The following SLC2A13 variants were observed in gnomAD, a reference collection of about 807,000 sequenced individuals.
The protein encoded by SLC2A13 is solute carrier family 2 member 13.
SLC2A13 carries 32 observed loss-of-function variants against 64.4 expected under a neutral mutation model. The observed-to-expected ratio is 0.50, with a 90% confidence interval of 0.37 to 0.67. The LOEUF (loss-of-function observed/expected upper bound fraction) is 0.67, where lower values mean the gene tolerates loss of function less well. Ranked by LOEUF, SLC2A13 falls within the 30% of genes least tolerant of loss-of-function variation. SLC2A13 has a pLI of 0.00. For synonymous variants in SLC2A13, 338 were observed against 327.1 expected, an observed-to-expected ratio of 1.03 and a Z score of -0.36; for missense variants, 743 against 829.2, an observed-to-expected ratio of 0.90 and a Z score of 1.28.
chr12:40,019,157 A>G (rs1947670442), intron 3 of SLC2A13, among the ~76,000 whole-genome samples: 1 of 152,202 alleles, frequency 6.6e-6, no homozygotes. Flanking sequence ...AGGCAATGGC[A>G]GCAAGAACCG....
intron 1 of SLC2A13, among the ~76,000 whole-genome samples, chr12:40,055,911 A>G (rs1288280196): frequency 6.6e-6 from 1 of 151,874 alleles, no homozygotes; most frequent in African/African-American, 2.4e-5. Flanking sequence ...CAAATATAGG[A>G]GACCAACTGA....
intron 6 of SLC2A13, among the ~76,000 whole-genome samples, chr12:39,840,819 C>T (rs1405354353): frequency 1.3e-5 from 2 of 152,016 alleles, no homozygotes; most frequent in African/African-American, 4.8e-5. Flanking sequence ...GCTTTTATTC[C>T]TAGAGATTTC....
rs1327243056 is a variant in SLC2A13 at position 39,889,694 on chromosome 12, G to A, written c.1035-17733C>T. Among the ~76,000 whole-genome samples the A allele has an allele frequency of 2.0e-5, 3 of 151,602 alleles. No individual in the cohort carries two copies. In the East Asian group the frequency reaches 5.8e-4, roughly 29 times the overall value. ...ACTACAGGTGCCCACCACCACGCCCGGCTAATTTTTGTATTTTTAGAGAGA... is the reference window on the plus strand; with the variant it reads ...ACTACAGGTGCCCACCACCACGCCCAGCTAATTTTTGTATTTTTAGAGAGA... On this transcript the variant is annotated intron_variant, in intron 4 of 9. Transcript: ENST00000280871.
In SLC2A13 at chr12:40,093,064, A is replaced by T. The variant is rs185895560; in HGVS notation, c.556+12189T>A. ...TAATTACTCCAAGTTCATCCTTGAG[A>T]GTCTGTCAGATCATTTTTCAGACAC... On this transcript the variant is annotated intron_variant, in intron 1 of 9. Coordinates refer to ENST00000280871, the MANE Select transcript of SLC2A13 (RefSeq NM_052885.4). Among the ~76,000 whole-genome samples, 508 of 152,310 alleles carry T rather than the reference A, an allele frequency of 3.3e-3. 13 individuals are homozygous for T. The highest frequency in any genetic ancestry group is 0.032 in the Admixed American group (496 of 15,304).
chr12:40,022,436 T>C (rs767380547), intron 3 of SLC2A13, among the ~76,000 whole-genome samples: 12 of 152,194 alleles, frequency 7.9e-5, no homozygotes. Flanking sequence ...AATGTTGAGA[T>C]TTTACTGACC....
intron 4 of SLC2A13, among the ~76,000 whole-genome samples, chr12:39,930,944 TG>T (rs1945816202): frequency 6.6e-6 from 1 of 152,240 alleles, no homozygotes; most frequent in African/African-American, 2.4e-5. Flanking sequence ...ATTTTTTATC[TG>T]GTCCTTTACA....
At chr12:39,931,040 T>C (rs576241754) in intron 4 of SLC2A13, among the ~76,000 whole-genome samples, 1 of 152,230 alleles carries the variant, frequency 6.6e-6, no homozygotes, top group Non-Finnish European at 1.5e-5. Context: ...AATATGTTAA[T>C]AAATACTGAA....
At chr12:39,900,715 C>T (rs1225010058) in intron 4 of SLC2A13, among the ~76,000 whole-genome samples, 17 of 152,244 alleles carry the variant, frequency 1.1e-4, no homozygotes, top group Non-Finnish European at 2.4e-4. Flanking sequence ...AAGAACATTC[C>T]ATGCTCATGG....
intron 4 of SLC2A13, among the ~76,000 whole-genome samples, chr12:39,874,893 A>G (rs75611282): frequency 0.011 from 1,613 of 152,304 alleles, 23 homozygotes; most frequent in African/African-American, 0.035. Flanking sequence ...TATACTGGCA[A>G]CAGGCAATTG....
intron 6 of SLC2A13, among the ~76,000 whole-genome samples, chr12:39,848,896 T>C (rs902334620): frequency 3.9e-5 from 6 of 152,190 alleles, no homozygotes; most frequent in Non-Finnish European, 8.8e-5. Flanking sequence ...CTGGAGGCTA[T>C]CATCCTTAGC....
chr12:39,955,905 C>G (rs577489100), intron 3 of SLC2A13, among the ~76,000 whole-genome samples: 1 of 152,256 alleles, frequency 6.6e-6, no homozygotes, highest in South Asian at 2.1e-4. Context: ...GAGTGGACAC[C>G]TGGCCACCAC....
At position 40,065,178 on chromosome 12, in the gene SLC2A13, C is replaced by T. The variant is rs536559118; in HGVS notation, c.557-16968G>A. Among the ~76,000 whole-genome samples the T allele has an allele frequency of 8.5e-4, 129 of 152,188 alleles. 1 individual carries two copies. The highest frequency in any genetic ancestry group is 6.8e-3 in the Middle Eastern group (2 of 294). Reference sequence around the variant, plus strand: ...CAGGAGGCTACCTGAACAGGAATATCGACATGAAAATAAATTGCTGAGAGT... The same window carrying T: ...CAGGAGGCTACCTGAACAGGAATATTGACATGAAAATAAATTGCTGAGAGT... On this transcript the variant is annotated intron_variant, in intron 1 of 9. Transcript: ENST00000280871.
intron 1 of SLC2A13, among the ~76,000 whole-genome samples, chr12:40,081,715 G>A (rs138518572): frequency 3.3e-5 from 5 of 152,240 alleles, no homozygotes; most frequent in African/African-American, 7.2e-5. Flanking sequence ...CCTTGCTGTC[G>A]AGCTCATGTG....
chr12:39,781,126 A>T (rs752459405), intron 7 of SLC2A13, among the ~76,000 whole-genome samples: 1 of 152,236 alleles, frequency 6.6e-6, no homozygotes, highest in Non-Finnish European at 1.5e-5. Flanking sequence ...TTGTATAGAA[A>T]GTTCTGAAGC....
chr12:39,934,061 T>C (rs1230257358), intron 4 of SLC2A13, among the ~76,000 whole-genome samples: 1 of 152,226 alleles, frequency 6.6e-6, no homozygotes, highest in African/African-American at 2.4e-5. Context: ...AGATAGTCTG[T>C]CTGATTCTGA....
chr12:39,797,740 A>ACATACGTACG, intron 7 of SLC2A13, among the ~76,000 whole-genome samples: 2 of 131,476 alleles, frequency 1.5e-5, no homozygotes, highest in African/African-American at 5.9e-5. Flanking sequence ...ACACACACAC[A>ACATACGTACG]CACACACACA....
chr12:39,760,064 A>G lies in SLC2A13; in HGVS notation c.1909T>C (p.Tyr637His). The G allele has an allele frequency of 6.2e-7, 1 of 1,612,654 alleles. No individual in the cohort carries two copies. The highest frequency in any genetic ancestry group is 8.5e-7 in the Non-Finnish European group (1 of 1,179,132). Residue 637 changes from tyrosine to histidine, a missense_variant, in exon 10 of 10, where the codon TAT becomes CAT. Physicochemically the swap from Tyr to His is moderately conservative, Grantham distance 83 (BLOSUM62 2). Coordinates refer to ENST00000280871, the MANE Select transcript of SLC2A13 (RefSeq NM_052885.4). ...IEYIRVKGSN[Y>H]HLSDNDASDV... Reference sequence around the variant, plus strand: ...GAAGCATCATTGTCAGAAAGATGATAGTTACTTCCCTTTACCCGAATATAT... The same window carrying G: ...GAAGCATCATTGTCAGAAAGATGATGGTTACTTCCCTTTACCCGAATATAT...
intron 4 of SLC2A13, among the ~76,000 whole-genome samples, chr12:39,880,996 T>C (rs1274292879): frequency 2.6e-5 from 4 of 152,366 alleles, no homozygotes; most frequent in Middle Eastern, 3.4e-3. Context: ...TTGAATTGTA[T>C]GTATAACAGG....
chr12:39,898,272 A>G (rs1165600652), intron 4 of SLC2A13, among the ~76,000 whole-genome samples: 1 of 152,166 alleles, frequency 6.6e-6, no homozygotes, highest in African/African-American at 2.4e-5. Context: ...TGAAAAGAAG[A>G]AACTCTTTCG....
Sources: gnomAD v4.1 joint callset for allele counts (sites outside exome capture counted in the v4.1 genomes callset) on GRCh38, gnomAD v4.1.1 for gene constraint, MANE v1.5 for transcripts, NCBI Gene and HGNC (gene_info 2026-07-23, HGNC 2026-07-21) for gene names.